RNF144A: variants seen among roughly 807,000 people sequenced by gnomAD.
The protein encoded by RNF144A is E3 ubiquitin-protein ligase RNF144A.
RNF144A carries 11 observed loss-of-function variants against 38.7 expected under a neutral mutation model. That is an observed-to-expected ratio of 0.28 (90% CI 0.18 to 0.47). RNF144A has a LOEUF of 0.47. Among genes scored for constraint, RNF144A ranks in the 20% least tolerant of loss-of-function variants. RNF144A has a pLI of 0.99. For missense variants in RNF144A, 316 were observed against 377.2 expected, an observed-to-expected ratio of 0.84 and a Z score of 1.34; for synonymous variants, 149 against 143.9, an observed-to-expected ratio of 1.04 and a Z score of -0.25.
rs1341636066 is a variant in RNF144A at position 7,020,559 on chromosome 2, C to A, written c.388C>A (p.Pro130Thr). The A allele has an allele frequency of 1.9e-6, 3 of 1,613,332 alleles. No homozygotes were observed. The highest frequency in any genetic ancestry group is 2.2e-5 in the East Asian group (1 of 44,892). Reference sequence around the variant, plus strand: ...GCTCCAGGACGTGGGGCTGCAGACCCCCCAGCCAGTGCAGTGCAAAGCCTG... The same window carrying A: ...GCTCCAGGACGTGGGGCTGCAGACCACCCAGCCAGTGCAGTGCAAAGCCTG... ...CQLQDVGLQT[P>T]QPVQCKACRM... Residue 130 changes from proline (P) to threonine (T), a missense_variant, in exon 6 of 9, where the codon CCC becomes ACC. Coordinates refer to ENST00000320892, the MANE Select transcript of RNF144A (RefSeq NM_014746.6).
chr2:6,922,098 C>A (rs773119784), intron 1 of RNF144A, among the ~76,000 whole-genome samples: 22 of 152,194 alleles, frequency 1.4e-4, no homozygotes, highest in Non-Finnish European at 2.5e-4. Context: ...TCTGTGTTCC[C>A]TCCATTTCCT....
chr2:6,918,105 G>T (rs1046038924), intron 1 of RNF144A, among the ~76,000 whole-genome samples: 1 of 152,122 alleles, frequency 6.6e-6, no homozygotes, highest in Non-Finnish European at 1.5e-5. Context: ...GTCTGGGAAA[G>T]GACGACGCGT....
In RNF144A at chr2:7,040,338, A is replaced by G. The variant is rs1276390251; in HGVS notation, c.*578A>G. On this transcript the variant is annotated 3_prime_UTR_variant, in exon 9 of 9. Transcript: ENST00000320892. ...CTTGAAATGTGCATTTTAAGAAGTT[A>G]TAGTTAAACGACTTTTCAGGAGATT... The G allele has an allele frequency of 3.0e-6, 3 of 985,422 alleles. No homozygotes were observed. The highest frequency in any genetic ancestry group is 3.6e-6 in the Non-Finnish European group (3 of 830,004). The allele number at this position is 985,422 out of a possible 1,614,324, so 61.0% of individuals were successfully genotyped here.
chr2:7,036,399 A>C lies in RNF144A; in HGVS notation c.748-3230A>C, dbSNP rs181055008. On this transcript the variant is annotated intron_variant, in intron 8 of 8. Coordinates refer to ENST00000320892, the MANE Select transcript of RNF144A (RefSeq NM_014746.6). Reference sequence around the variant, plus strand: ...CTGATTACTGATCTTCTGTATTCACATGCATCCGTGGAGGGGTGCACAGTG... The same window carrying C: ...CTGATTACTGATCTTCTGTATTCACCTGCATCCGTGGAGGGGTGCACAGTG... 2.5e-3 allele frequency among the ~76,000 whole-genome samples: 384 copies of C among 152,310 alleles called. 2 individuals are homozygous for C. Among genetic ancestry groups the C allele is most frequent in the African/African-American group, 8.9e-3 (368 of 41,564 alleles).
intron 5 of RNF144A, among the ~76,000 whole-genome samples, chr2:7,018,401 G>C (rs574838506): frequency 2.6e-5 from 4 of 152,250 alleles, no homozygotes; most frequent in Non-Finnish European, 5.9e-5. Context: ...CACTCACAGA[G>C]GGCAGGCAGA....
intron 7 of RNF144A, among the ~76,000 whole-genome samples, chr2:7,027,871 G>A (rs1672017475): frequency 6.6e-6 from 1 of 151,914 alleles, no homozygotes; most frequent in African/African-American, 2.4e-5. Flanking sequence ...CTTTTATCAG[G>A]GGATAAGAAA....
intron 2 of RNF144A, among the ~76,000 whole-genome samples, chr2:6,985,609 C>T (rs1261867972): frequency 6.6e-6 from 1 of 152,154 alleles, no homozygotes; most frequent in Non-Finnish European, 1.5e-5. Flanking sequence ...ACAACTCGAG[C>T]CACACGTGTA....
chr2:6,999,677 T>C (rs1224431755), intron 3 of RNF144A, among the ~76,000 whole-genome samples: 1 of 152,118 alleles, frequency 6.6e-6, no homozygotes, highest in Non-Finnish European at 1.5e-5. Flanking sequence ...GAGATAAAAA[T>C]AGTTTACCTC....
intron 2 of RNF144A, among the ~76,000 whole-genome samples, chr2:6,985,199 G>A (rs1668869139): frequency 6.6e-6 from 1 of 151,700 alleles, no homozygotes; most frequent in African/African-American, 2.4e-5. Flanking sequence ...GTGATTCCGC[G>A]GGACTTCCCC....
At chr2:7,007,713 C>G (rs999584026) in intron 3 of RNF144A, among the ~76,000 whole-genome samples, 4 of 152,204 alleles carry the variant, frequency 2.6e-5, no homozygotes, top group African/African-American at 9.7e-5. Context: ...TGTGCACACC[C>G]TGCTACCACA....
intron 8 of RNF144A, among the ~76,000 whole-genome samples, chr2:7,039,381 G>A (rs62105654): frequency 0.085 from 12,407 of 146,012 alleles, 923 homozygotes; most frequent in East Asian, 0.48. Context: ...GGTAGATGAT[G>A]GTTAGATGGG....
At chr2:7,005,907 A>G (rs964757300) in intron 3 of RNF144A, among the ~76,000 whole-genome samples, 21 of 147,470 alleles carry the variant, frequency 1.4e-4, no homozygotes, top group Middle Eastern at 3.3e-3. Context: ...CTCCTTGCAT[A>G]TCTGCCACTC....
chr2:6,980,037 A>G lies in RNF144A; in HGVS notation c.-11-16879A>G, dbSNP rs563186963. On this transcript the variant is annotated intron_variant, in intron 2 of 8. Coordinates refer to ENST00000320892, the MANE Select transcript of RNF144A (RefSeq NM_014746.6). ...GAGAAACTGCCACTTTTAAACCATCAGATCTCATGAGAACATCTCAATATC... is the reference window on the plus strand; with the variant it reads ...GAGAAACTGCCACTTTTAAACCATCGGATCTCATGAGAACATCTCAATATC... 3.3e-5 allele frequency among the ~76,000 whole-genome samples: 5 copies of G among 152,304 alleles called. No individual in the cohort carries two copies. In the East Asian group the frequency reaches 9.7e-4, roughly 29 times the overall value.
In RNF144A at chr2:6,962,245, A is replaced by G. The variant is rs1241206213; in HGVS notation, c.-12+21098A>G. Among the ~76,000 whole-genome samples the G allele has an allele frequency of 2.0e-5, 3 of 152,202 alleles. No individual in the cohort carries two copies. The highest frequency in any genetic ancestry group is 4.4e-5 in the Non-Finnish European group (3 of 68,036). On this transcript the variant is annotated intron_variant, in intron 2 of 8. Coordinates refer to ENST00000320892, the MANE Select transcript of RNF144A (RefSeq NM_014746.6). This position sits in a 1 kb window ranked among gnomAD's most constrained non-coding sequence, Gnocchi z 4.1. ...CCCCCACCCTAATGATTTATTATGC[A>G]GGCGGGTTCTCTGCCTGAGCTCCAC...
rs77167857 is a variant in RNF144A, at chr2:6,923,667, G to T, written c.-212+6045G>T. Among the ~76,000 whole-genome samples the T allele has an allele frequency of 3.4e-3, 521 of 152,284 alleles. 6 individuals carry two copies. The highest frequency in any genetic ancestry group is 0.012 in the African/African-American group (507 of 41,558). ...ATTGCACAGATGAGAAGATGGAGCC[G>T]CACGGAGCAGAACTGGGACGGAGTT... On this transcript the variant is annotated intron_variant, in intron 1 of 8. Transcript: ENST00000320892.
intron 7 of RNF144A, among the ~76,000 whole-genome samples, chr2:7,025,911 G>A (rs1423161885): frequency 6.6e-6 from 1 of 152,204 alleles, no homozygotes; most frequent in Non-Finnish European, 1.5e-5. Flanking sequence ...GTCAGAGCAA[G>A]TCCATGCTTC....
intron 1 of RNF144A, among the ~76,000 whole-genome samples, chr2:6,920,107 C>T (rs547013640): frequency 1.4e-3 from 209 of 152,296 alleles, no homozygotes; most frequent in African/African-American, 4.7e-3. Context: ...CTCTGGCAGG[C>T]GGCGGCAGGG....
At chr2:6,922,889 G>T (rs1216890437) in intron 1 of RNF144A, among the ~76,000 whole-genome samples, 3 of 152,194 alleles carry the variant, frequency 2.0e-5, no homozygotes, top group African/African-American at 4.8e-5. Flanking sequence ...CTCCCAAGGT[G>T]CTGGGATTAC....
At position 7,040,156 on chromosome 2, in the gene RNF144A, A is replaced by T. The variant is rs1672960000; in HGVS notation, c.*396A>T. 1 of 995,960 alleles carries T rather than the reference A, an allele frequency of 1.0e-6. No individual in the cohort carries two copies. Among genetic ancestry groups the T allele is most frequent in the South Asian group, 4.6e-5 (1 of 21,728 alleles). The allele number at this position is 995,960 out of a possible 1,614,324, so 61.7% of individuals were successfully genotyped here. A position where few individuals can be genotyped will look rare whatever the true frequency, so the allele number is the denominator to read the frequency against. The stretch of plus-strand genomic sequence containing the variant: ...TCTTTTAAGGACTGCCACTCTCTTC[A>T]GACAGAATCTGATTATTCCAGCTTG... On this transcript the variant is annotated 3_prime_UTR_variant, in exon 9 of 9. Transcript: ENST00000320892.
Sources: gnomAD v4.1 joint callset for allele counts (sites outside exome capture counted in the v4.1 genomes callset) on GRCh38, gnomAD v4.1.1 for gene constraint, Gnocchi (gnomAD v3.1) non-coding constraint, MANE v1.5 for transcripts, NCBI Gene and HGNC (gene_info 2026-07-23, HGNC 2026-07-21) for gene names.